The following NDUFAF2 variants were observed in gnomAD, a reference collection of about 807,000 sequenced individuals.
NDUFAF2 encodes NADH:ubiquinone oxidoreductase complex assembly factor 2.
Under a neutral mutation model 22.8 loss-of-function variants are expected in NDUFAF2, and 13 were observed. That is an observed-to-expected ratio of 0.57 (90% CI 0.37 to 0.91). The LOEUF is 0.91. Ranked by LOEUF, NDUFAF2 falls within the 40% of genes least tolerant of loss-of-function variation. The pLI is 0.01. For synonymous variants in NDUFAF2, 53 were observed against 64.2 expected, an observed-to-expected ratio of 0.83 and a Z score of 0.84; for missense variants, 162 against 195.2, an observed-to-expected ratio of 0.83 and a Z score of 1.01.
At chr5:61,009,773 A>T (rs954608839) in intron 1 of NDUFAF2, among the ~76,000 whole-genome samples, 1 of 152,014 alleles carries the variant, frequency 6.6e-6, no homozygotes, top group South Asian at 2.1e-4. Flanking sequence ...CTATGTTCTG[A>T]TTCCAGACAC....
intron 3 of NDUFAF2, among the ~76,000 whole-genome samples, chr5:61,102,241 T>C (rs1421656236): frequency 6.6e-6 from 1 of 152,088 alleles, no homozygotes; most frequent in African/African-American, 2.4e-5. Context: ...AAAAAGGAGA[T>C]GAAAATTAAA....
At chr5:61,106,563 C>T (rs1752765943) in intron 3 of NDUFAF2, among the ~76,000 whole-genome samples, 1 of 151,246 alleles carries the variant, frequency 6.6e-6, no homozygotes, top group Non-Finnish European at 1.5e-5. Flanking sequence ...TAATTATACT[C>T]TTTTAGTTAT....
chr5:61,128,711 G>T (rs1330770857), intron 3 of NDUFAF2, among the ~76,000 whole-genome samples: 1 of 152,140 alleles, frequency 6.6e-6, no homozygotes, highest in African/African-American at 2.4e-5. Flanking sequence ...AGAAAACCTA[G>T]GCAATACCAT....
intron 1 of NDUFAF2, among the ~76,000 whole-genome samples, chr5:61,072,695 C>G (rs1752314885): frequency 6.6e-6 from 1 of 152,116 alleles, no homozygotes; most frequent in Admixed American, 6.5e-5. Context: ...CTCCCGGGCT[C>G]AAGTGATTCT....
chr5:60,972,774 T>G (rs79063944), intron 1 of NDUFAF2, among the ~76,000 whole-genome samples: 16 of 43,936 alleles, frequency 3.6e-4, no homozygotes, highest in African/African-American at 8.9e-4. Context: ...GTGTATTCTG[T>G]TTTTTTTTTT....
chr5:60,966,640 C>T (rs780506423), intron 1 of NDUFAF2, among the ~76,000 whole-genome samples: 2 of 152,090 alleles, frequency 1.3e-5, no homozygotes, highest in Non-Finnish European at 2.9e-5. Flanking sequence ...GTGTTCTTGG[C>T]ATCTTTGTAA....
intron 1 of NDUFAF2, among the ~76,000 whole-genome samples, chr5:60,975,571 G>A (rs73759450): frequency 0.02 from 3,051 of 152,238 alleles, 122 homozygotes; most frequent in African/African-American, 0.07. Context: ...TTAAAAGCAT[G>A]GAACTAGATG....
intron 3 of NDUFAF2, among the ~76,000 whole-genome samples, chr5:61,140,328 C>G (rs1252141080): frequency 1.3e-5 from 2 of 152,152 alleles, no homozygotes; most frequent in Admixed American, 6.6e-5. Context: ...TGGTTCCTGC[C>G]CTAATGATTT....
At chr5:61,003,435 G>A (rs1469194112) in intron 1 of NDUFAF2, among the ~76,000 whole-genome samples, 2 of 151,780 alleles carry the variant, frequency 1.3e-5, no homozygotes, top group African/African-American at 2.4e-5. Context: ...TTATGAGCCA[G>A]GTAAAATTTT....
chr5:61,073,878 A>C (rs1580122840), intron 2 of NDUFAF2, among the ~76,000 whole-genome samples: 1 of 152,340 alleles, frequency 6.6e-6, no homozygotes, highest in South Asian at 2.1e-4. Context: ...ATAAAAAGCT[A>C]ATTGATTTTA....
chr5:60,984,162 A>C (rs1751033711), intron 1 of NDUFAF2, among the ~76,000 whole-genome samples: 1 of 152,094 alleles, frequency 6.6e-6, no homozygotes, highest in Non-Finnish European at 1.5e-5. Flanking sequence ...TCTTTTAAGC[A>C]ATTGTGAATG....
At chr5:60,979,848 G>A (rs1750953220) in intron 1 of NDUFAF2, among the ~76,000 whole-genome samples, 1 of 152,184 alleles carries the variant, frequency 6.6e-6, no homozygotes, top group African/African-American at 2.4e-5. Context: ...ATTGGTCACT[G>A]TAGTCCTTAG....
At chr5:61,142,012 G>C (rs1184277722) in intron 3 of NDUFAF2, among the ~76,000 whole-genome samples, 2 of 152,050 alleles carry the variant, frequency 1.3e-5, no homozygotes, top group East Asian at 3.9e-4. Context: ...CTCTCTCTCT[G>C]AGGCCAAGCC....
At chr5:61,143,960 TTGTGTGTGTGTGTGTGTGTGTG>T (rs58281805) in intron 3 of NDUFAF2, among the ~76,000 whole-genome samples, 2 of 98,142 alleles carry the variant, frequency 2.0e-5, no homozygotes, top group African/African-American at 6.7e-5. Context: ...TGGCATATTT[TTGTGTGTGTGTGTGTGTGTGTG>T]TGTGTGTGTG....
At chr5:61,056,521 G>A (rs539697808) in intron 1 of NDUFAF2, among the ~76,000 whole-genome samples, 8 of 152,072 alleles carry the variant, frequency 5.3e-5, no homozygotes, top group Non-Finnish European at 1.0e-4. Flanking sequence ...TAAAATTCAT[G>A]TCATCCAATT....
chr5:61,113,450 G>A (rs1752870318), intron 3 of NDUFAF2, among the ~76,000 whole-genome samples: 1 of 152,142 alleles, frequency 6.6e-6, no homozygotes, highest in African/African-American at 2.4e-5. Flanking sequence ...TGGTTTGGCT[G>A]TGTCCCCACC....
chr5:61,086,524 G>A (rs1366994364), intron 2 of NDUFAF2, among the ~76,000 whole-genome samples: 1 of 152,054 alleles, frequency 6.6e-6, no homozygotes, highest in African/African-American at 2.4e-5. Context: ...TTTTTCAATA[G>A]CAAGGAAAAT....
intron 1 of NDUFAF2, among the ~76,000 whole-genome samples, chr5:61,065,763 C>T (rs891379407): frequency 6.6e-6 from 1 of 151,980 alleles, no homozygotes; most frequent in Non-Finnish European, 1.5e-5. Context: ...AAACTGAAAA[C>T]GTTTCCACTG....
chr5:61,109,574 A>G (rs1384826096), intron 3 of NDUFAF2, among the ~76,000 whole-genome samples: 1 of 152,150 alleles, frequency 6.6e-6, no homozygotes, highest in Non-Finnish European at 1.5e-5. Flanking sequence ...CAGTATGGTT[A>G]GGCTTTGTGT....
Sources: gnomAD v4.1 joint callset for allele counts (sites outside exome capture counted in the v4.1 genomes callset) on GRCh38, gnomAD v4.1.1 for gene constraint, MANE v1.5 for transcripts, NCBI Gene and HGNC (gene_info 2026-07-23, HGNC 2026-07-21) for gene names.